The following TNIK variants were observed in gnomAD, a reference collection of about 807,000 sequenced individuals.
TNIK encodes the protein TRAF2 and NCK-interacting protein kinase.
In TNIK, 49 loss-of-function variants were observed where a neutral mutation model predicts 191.3. That is an observed-to-expected ratio of 0.26 (90% confidence interval 0.20 to 0.32). TNIK has a LOEUF of 0.32. Ranked by LOEUF, TNIK falls within the 10% of genes least tolerant of loss-of-function variation. TNIK has a pLI of 1.00. For synonymous variants in TNIK, 594 were observed against 600.9 expected, an observed-to-expected ratio of 0.99 and a Z score of 0.17; for missense variants, 1,155 against 1,702.3, an observed-to-expected ratio of 0.68 and a Z score of 5.66.
At chr3:171,406,894 G>A (rs1236306896) in intron 1 of TNIK, among the ~76,000 whole-genome samples, 1 of 152,194 alleles carries the variant, frequency 6.6e-6, no homozygotes, top group East Asian at 1.9e-4. Flanking sequence ...ATAACACAGC[G>A]ATTTGCTGAC....
intron 1 of TNIK, among the ~76,000 whole-genome samples, chr3:171,430,799 T>A (rs1004104662): frequency 3.3e-5 from 5 of 152,130 alleles, no homozygotes; most frequent in Non-Finnish European, 7.4e-5. Flanking sequence ...ATTAATTGGA[T>A]GAGAATCTTC....
chr3:171,210,847 T>G, intron 4 of TNIK, among the ~76,000 whole-genome samples: 1 of 91,614 alleles, frequency 1.1e-5, no homozygotes, highest in African/African-American at 4.3e-5. Flanking sequence ...GGTTGTCAAT[T>G]AGTGAAAAAA....
intron 26 of TNIK, among the ~76,000 whole-genome samples, chr3:171,082,966 G>A (rs1251790486): frequency 2.6e-5 from 4 of 152,162 alleles, no homozygotes; most frequent in African/African-American, 9.7e-5. Flanking sequence ...AGTGTTAATA[G>A]CTGGAGAGTC....
chr3:171,386,119 G>C (rs1410032099), intron 1 of TNIK, among the ~76,000 whole-genome samples: 1 of 152,048 alleles, frequency 6.6e-6, no homozygotes, highest in East Asian at 1.9e-4. Context: ...GGCTACAGGG[G>C]GACCTTCATA....
At chr3:171,173,924 G>A (rs772110031) in intron 9 of TNIK, among the ~76,000 whole-genome samples, 1 of 152,144 alleles carries the variant, frequency 6.6e-6, no homozygotes, top group African/African-American at 2.4e-5. Context: ...GAGAAGAGAG[G>A]AAGCAGGGTG....
At chr3:171,314,477 C>T (rs993279432) in intron 2 of TNIK, among the ~76,000 whole-genome samples, 1 of 152,146 alleles carries the variant, frequency 6.6e-6, no homozygotes, top group East Asian at 1.9e-4. Flanking sequence ...ATTTCTGCCT[C>T]TCTGTAATTT....
chr3:171,355,692 T>C (rs957481026), intron 2 of TNIK, among the ~76,000 whole-genome samples: 7 of 152,214 alleles, frequency 4.6e-5, no homozygotes, highest in Non-Finnish European at 1.0e-4. Flanking sequence ...TGATGTTATA[T>C]AACTAAAACC....
At chr3:171,259,378 G>C (rs1276723920) in intron 2 of TNIK, among the ~76,000 whole-genome samples, 1 of 152,168 alleles carries the variant, frequency 6.6e-6, no homozygotes, top group East Asian at 1.9e-4. Flanking sequence ...GTCAGCAGTT[G>C]TCTATTGGCA....
In TNIK at chr3:171,073,182, T is replaced by G. The variant is rs1846584; in HGVS notation, c.3449-1859A>C. 5.9e-3 allele frequency among the ~76,000 whole-genome samples: 904 copies of G among 152,154 alleles called. 13 individuals carry two copies. The highest frequency in any genetic ancestry group is 0.021 in the African/African-American group (854 of 41,514). The stretch of plus-strand genomic sequence containing the variant: ...AGACTGTAATAACCAAAGAAGCATG[T>G]TACTGATACAAAAATAGACATACAG... On this transcript the variant is annotated intron_variant, in intron 28 of 32. Transcript: ENST00000436636.
At chr3:171,267,109 AATT>A in intron 2 of TNIK, among the ~76,000 whole-genome samples, 1 of 152,328 alleles carries the variant, frequency 6.6e-6, no homozygotes, top group East Asian at 1.9e-4. Context: ...TTCATTTAAA[AATT>A]ATTATTCAGA....
Position 171,084,323 on chromosome 3 carries a change from G to C in TNIK, c.3001C>G (p.Leu1001Val). 1 of 1,608,240 alleles carries C rather than the reference G, an allele frequency of 6.2e-7. No individual in the cohort carries two copies. The highest frequency in any genetic ancestry group is 8.5e-7 in the Non-Finnish European group (1 of 1,175,834). The part of the protein sequence containing the change: ...EEDEESSAAA[L>V]FTSELLRQEQ... ...TGCCTAAGAAGTTCGCTAGTAAACA[G>C]AGCTTTGAGAAAAAGAATCAGAGAA... Residue 1001 changes from leucine to valine, a missense_variant and splice_region_variant, in exon 26 of 33, where the codon CTG (leucine) becomes GTG (valine). Leu to Val is a conservative substitution (Grantham distance 32). Around this residue, in one of 3 missense-constraint regions of TNIK, gnomAD observed 735 missense variants for 848.0 expected, o/e 0.87. Coordinates refer to ENST00000436636, the MANE Select transcript of TNIK (RefSeq NM_015028.4).
chr3:171,262,183 G>T (rs551637376), intron 2 of TNIK, among the ~76,000 whole-genome samples: 1 of 151,932 alleles, frequency 6.6e-6, no homozygotes, highest in Non-Finnish European at 1.5e-5. Context: ...CCTTCCCTTC[G>T]TTTTGTTTAG....
At chr3:171,131,686 C>T (rs1463173843) in intron 15 of TNIK, among the ~76,000 whole-genome samples, 3 of 152,210 alleles carry the variant, frequency 2.0e-5, no homozygotes, top group African/African-American at 7.2e-5. Flanking sequence ...TCATTACGTA[C>T]TTTGTCTCAA....
intron 5 of TNIK, 29 bp downstream of exon 5, chr3:171,194,496 A>G (rs751969120): frequency 6.3e-7 from 1 of 1,585,278 alleles, no homozygotes; most frequent in Admixed American, 1.7e-5. Context: ...AGACTTTGGG[A>G]GGTGGGCCAG....
chr3:171,302,450 T>C (rs1036157047), intron 2 of TNIK, among the ~76,000 whole-genome samples: 3 of 152,348 alleles, frequency 2.0e-5, no homozygotes, highest in Non-Finnish European at 4.4e-5. Context: ...TCAAATACTA[T>C]GAAGTGCTCA....
At chr3:171,081,436 G>A (rs1384750701) in intron 27 of TNIK, among the ~76,000 whole-genome samples, 1 of 150,674 alleles carries the variant, frequency 6.6e-6, no homozygotes, top group Non-Finnish European at 1.5e-5. Flanking sequence ...CAGAAACTAT[G>A]AACGCTCCTG....
At chr3:171,158,876 G>A (rs992884231) in intron 11 of TNIK, among the ~76,000 whole-genome samples, 5 of 152,148 alleles carry the variant, frequency 3.3e-5, no homozygotes, top group African/African-American at 7.2e-5. Context: ...AAGGAAGAAC[G>A]TTCCAGGCAG....
chr3:171,065,063 G>C (rs1282345857), intron 32 of TNIK, among the ~76,000 whole-genome samples: 3 of 152,232 alleles, frequency 2.0e-5, no homozygotes, highest in African/African-American at 4.8e-5. Context: ...TTGGGTTGCA[G>C]ACAACTGGTG....
At chr3:171,127,579 G>T (rs1410169711) in intron 16 of TNIK, among the ~76,000 whole-genome samples, 1 of 151,930 alleles carries the variant, frequency 6.6e-6, no homozygotes. Context: ...CCTTTTAAAG[G>T]CCAAAGTACC....
Sources: gnomAD v4.1 joint callset for allele counts (sites outside exome capture counted in the v4.1 genomes callset) on GRCh38, gnomAD v4.1.1 for gene constraint, gnomAD v4.1.1 regional missense constraint, MANE v1.5 for transcripts, NCBI Gene and HGNC (gene_info 2026-07-23, HGNC 2026-07-21) for gene names.